The following RCOR1 variants were observed in gnomAD, a reference collection of about 807,000 sequenced individuals.
RCOR1 encodes the protein REST corepressor.
In RCOR1, 12 loss-of-function variants were observed where a neutral mutation model predicts 64.0. That is an observed-to-expected ratio of 0.19 (90% CI 0.12 to 0.30). RCOR1 has a LOEUF of 0.30. Among genes scored for constraint, RCOR1 ranks in the 10% least tolerant of loss-of-function variants. The pLI, the probability that RCOR1 is intolerant of heterozygous loss-of-function variation, is 1.00. For synonymous variants in RCOR1, 279 were observed against 227.2 expected, an observed-to-expected ratio of 1.23 and a Z score of -2.05; for missense variants, 502 against 621.2, an observed-to-expected ratio of 0.81 and a Z score of 2.04.
At chr14:102,649,403 AGCCC>A (rs1894540386) in intron 2 of RCOR1, among the ~76,000 whole-genome samples, 1 of 152,236 alleles carries the variant, frequency 6.6e-6, no homozygotes, top group African/African-American at 2.4e-5. Context: ...TTTGGGTACC[AGCCC>A]CTTTTGAACA....
chr14:102,717,210 C>T (rs553210413), intron 8 of RCOR1, among the ~76,000 whole-genome samples: 143 of 152,352 alleles, frequency 9.4e-4, no homozygotes, highest in Non-Finnish European at 1.4e-3. Context: ...CTTTCATTCT[C>T]TCTCTGGAAT....
chr14:102,605,086 A>G (rs1478796043), intron 2 of RCOR1, among the ~76,000 whole-genome samples: 2 of 151,550 alleles, frequency 1.3e-5, no homozygotes, highest in African/African-American at 4.8e-5. Flanking sequence ...AAAAAAAAAA[A>G]AAAGGAAAAG....
At chr14:102,663,801 C>T (rs1595218922) in intron 2 of RCOR1, among the ~76,000 whole-genome samples, 1 of 152,206 alleles carries the variant, frequency 6.6e-6, no homozygotes, top group South Asian at 2.1e-4. Context: ...GTTTGACGAT[C>T]GTATGTGGCG....
intron 7 of RCOR1, 143 bp from the exon 8 acceptor site, chr14:102,714,280 G>A: frequency 2.0e-6 from 1 of 511,132 alleles, no homozygotes; most frequent in Non-Finnish European, 3.4e-6. Context: ...CTGCCTGTTA[G>A]AATTTATAGA....
chr14:102,634,671 C>A (rs143492987), intron 2 of RCOR1, among the ~76,000 whole-genome samples: 1 of 150,102 alleles, frequency 6.7e-6, no homozygotes, highest in African/African-American at 2.5e-5. Context: ...TATACACACA[C>A]ACGTACATAC....
chr14:102,653,081 C>T (rs925266860), intron 2 of RCOR1, among the ~76,000 whole-genome samples: 22 of 151,902 alleles, frequency 1.4e-4, no homozygotes, highest in Admixed American at 1.4e-3. Flanking sequence ...TAGAGGCGCG[C>T]GCCAGCCAAT....
At chr14:102,655,556 T>C (rs1191895281) in intron 2 of RCOR1, 7 of 918,184 alleles carry the variant, frequency 7.6e-6, no homozygotes, top group Non-Finnish European at 9.1e-6. Context: ...GATTACAAGC[T>C]CATATTTGTG....
intron 6 of RCOR1, among the ~76,000 whole-genome samples, chr14:102,709,988 T>A (rs1438268487): frequency 1.3e-5 from 2 of 152,182 alleles, no homozygotes; most frequent in African/African-American, 4.8e-5. Context: ...CAACCACTTT[T>A]GGGATGCGGG....
At chr14:102,635,642 T>C (rs1157757011) in intron 2 of RCOR1, among the ~76,000 whole-genome samples, 1 of 152,196 alleles carries the variant, frequency 6.6e-6, no homozygotes. Context: ...TGACCATAAT[T>C]TGACGCAAGT....
chr14:102,627,437 A>G (rs1436921021), intron 2 of RCOR1, among the ~76,000 whole-genome samples: 2 of 152,186 alleles, frequency 1.3e-5, no homozygotes, highest in African/African-American at 4.8e-5. Context: ...CTGGCGGATC[A>G]CCTGAGGTCA....
chr14:102,632,468 G>A (rs1326006907), intron 2 of RCOR1, among the ~76,000 whole-genome samples: 1 of 151,944 alleles, frequency 6.6e-6, no homozygotes, highest in African/African-American at 2.4e-5. Context: ...GCCTCCCAAA[G>A]TGCTGGGATT....
At chr14:102,644,512 T>C (rs796362103) in intron 2 of RCOR1, among the ~76,000 whole-genome samples, 7 of 152,272 alleles carry the variant, frequency 4.6e-5, no homozygotes, top group African/African-American at 1.2e-4. Flanking sequence ...CATTCCTCCT[T>C]CTTGTCACTT....
At chr14:102,671,461 T>C (rs1895030948) in intron 2 of RCOR1, among the ~76,000 whole-genome samples, 1 of 152,158 alleles carries the variant, frequency 6.6e-6, no homozygotes, top group African/African-American at 2.4e-5. Context: ...AGCAGGGTGA[T>C]CATAGCTCAC....
At chr14:102,699,378 A>G (rs887034342) in intron 3 of RCOR1, among the ~76,000 whole-genome samples, 1 of 152,198 alleles carries the variant, frequency 6.6e-6, no homozygotes, top group Non-Finnish European at 1.5e-5. Flanking sequence ...TGCAGTATAT[A>G]ATTAGTTATT....
intron 2 of RCOR1, among the ~76,000 whole-genome samples, chr14:102,664,299 G>A (rs1894877188): frequency 6.6e-6 from 1 of 151,842 alleles, no homozygotes; most frequent in South Asian, 2.1e-4. Flanking sequence ...ATTTTTAGTA[G>A]AGCCAGGTTT....
Position 102,592,868 on chromosome 14 carries a change from A to ACGGCCC in RCOR1, c.-11_-6dup. ...AGCCGCGGGTCCCCGCCACTTTCGC[A>ACGGCCC]CGGCCCCGGCCCCCGCCGATGCCGG... On this transcript the variant is annotated 5_prime_UTR_variant, in exon 1 of 12. Coordinates refer to ENST00000262241, the MANE Select transcript of RCOR1 (RefSeq NM_015156.4). The ACGGCCC allele has an allele frequency of 1.7e-6, 2 of 1,181,558 alleles. No individual in the cohort carries two copies. Among genetic ancestry groups the ACGGCCC allele is most frequent in the South Asian group, 3.7e-5 (1 of 26,686 alleles). 73.2% of individuals were successfully genotyped at this position (1,181,558 alleles called of 1,614,324 possible).
At chr14:102,616,218 G>A (rs1223319225) in intron 2 of RCOR1, among the ~76,000 whole-genome samples, 11 of 16,816 alleles carry the variant, frequency 6.5e-4, no homozygotes, top group African/African-American at 1.7e-3. Context: ...GTGTGTGTGT[G>A]TGTGTGTGTG....
At chr14:102,685,080 T>G (rs74365253) in intron 3 of RCOR1, among the ~76,000 whole-genome samples, 29 of 135,850 alleles carry the variant, frequency 2.1e-4, no homozygotes, top group South Asian at 4.6e-4. Context: ...GTGTGTGTGT[T>G]TTTTTTTTCC....
chr14:102,680,830 C>T (rs1416225856), intron 2 of RCOR1, among the ~76,000 whole-genome samples: 3 of 152,086 alleles, frequency 2.0e-5, no homozygotes, highest in South Asian at 4.2e-4. Flanking sequence ...CAAAGGCGGT[C>T]ACTCCATCTT....
Sources: allele counts gnomAD v4.1 joint callset (sites outside exome capture counted in the v4.1 genomes callset), GRCh38; gene constraint gnomAD v4.1.1; transcripts MANE v1.5; gene names NCBI Gene and HGNC (gene_info 2026-07-23, HGNC 2026-07-21).